The following MROH9 variants were observed in gnomAD, a reference collection of about 807,000 sequenced individuals.
MROH9 encodes maestro heat-like repeat-containing protein family member 9.
In MROH9, 92 loss-of-function variants were observed where a neutral mutation model predicts 98.2. The observed-to-expected ratio is 0.94, with a 90% CI of 0.79 to 1.11. The LOEUF is 1.11. Ranked by LOEUF, MROH9 falls within the 50% of genes most tolerant of loss-of-function variation. The pLI is 0.00. For synonymous variants in MROH9, 397 were observed against 368.9 expected (o/e 1.08, Z -0.87); for missense variants, 1,057 against 1,014.8 (o/e 1.04, Z -0.57).
intron 20 of MROH9, 35 bp downstream of exon 20, chr1:171,025,455 C>A: frequency 7.5e-7 from 1 of 1,335,300 alleles, no homozygotes; most frequent in Admixed American, 2.0e-5. Flanking sequence ...CCTAACTTGT[C>A]TTAAATGGTA....
chr1:170,990,019 C>T lies in MROH9; in HGVS notation c.1028+16C>T. The T allele has an allele frequency of 6.3e-7, 1 of 1,597,872 alleles. No individual in the cohort carries two copies. The highest frequency in any genetic ancestry group is 1.1e-5 in the South Asian group (1 of 89,468). On this transcript the variant is annotated intron_variant, in intron 11 of 21. Transcript: ENST00000367759. Reference sequence around the variant, plus strand: ...CAGCAGACGAGTAAGGCCCCCCAACCCTCTGTCCCTTCCACAAGGGCTTGT... The same window carrying T: ...CAGCAGACGAGTAAGGCCCCCCAACTCTCTGTCCCTTCCACAAGGGCTTGT...
At chr1:171,041,895 T>C (rs1463133572) in intron 20 of MROH9, among the ~76,000 whole-genome samples, 1 of 151,998 alleles carries the variant, frequency 6.6e-6, no homozygotes, top group Non-Finnish European at 1.5e-5. Context: ...TATTTATGGG[T>C]ACATGGGATA....
At chr1:170,950,941 A>G (rs981402448) in intron 3 of MROH9, among the ~76,000 whole-genome samples, 4 of 151,850 alleles carry the variant, frequency 2.6e-5, no homozygotes, top group Non-Finnish European at 4.4e-5. Context: ...CTTTATTTTT[A>G]TATCATCGAA....
intron 20 of MROH9, among the ~76,000 whole-genome samples, chr1:171,058,596 A>T (rs1162041716): frequency 6.6e-6 from 1 of 152,222 alleles, no homozygotes; most frequent in Non-Finnish European, 1.5e-5. Flanking sequence ...CTGACTTTAT[A>T]CTACAAGGCT....
intron 6 of MROH9, among the ~76,000 whole-genome samples, chr1:170,962,556 C>T (rs1266614183): frequency 6.6e-6 from 1 of 152,016 alleles, no homozygotes; most frequent in Non-Finnish European, 1.5e-5. Context: ...CATCAGAGGC[C>T]AACTGTCCAG....
chr1:171,021,817 C>A (rs1254076822), intron 17 of MROH9, among the ~76,000 whole-genome samples: 1 of 151,834 alleles, frequency 6.6e-6, no homozygotes, highest in African/African-American at 2.4e-5. Flanking sequence ...GAATAGGCAA[C>A]CTACAGAATG....
At chr1:171,052,678 G>C (rs1352282494) in intron 20 of MROH9, among the ~76,000 whole-genome samples, 1 of 152,156 alleles carries the variant, frequency 6.6e-6, no homozygotes, top group Admixed American at 6.5e-5. Context: ...CCACGGAATG[G>C]CAGGGGCAGC....
At chr1:170,986,823 T>C (rs1651156302) in intron 10 of MROH9, 113 bp downstream of exon 10, 8 of 1,196,800 alleles carry the variant, frequency 6.7e-6, no homozygotes, top group African/African-American at 1.5e-5. Context: ...TTGTTCATTA[T>C]ATGACTTCAA....
Position 170,998,187 on chromosome 1 carries a change from G to A in MROH9, c.1509G>A (p.Pro503=), listed in dbSNP as rs373612206. ...GTGAATATAACTTTCCACAGTTTCC[G>A]GAGACCCTGAGTTATCTCTATAAGC... is the stretch of plus-strand genomic sequence containing the variant. ...TLSEYNFPQF[P]ETLSYLYKLS... Residue 503 remains proline (P), a synonymous_variant, in exon 15 of 22, where the codon CCG becomes CCA. Coordinates refer to ENST00000367759, the MANE Select transcript of MROH9 (RefSeq NM_001163629.2). The A allele has an allele frequency of 1.2e-4, 193 of 1,610,020 alleles. No homozygotes were observed. Among genetic ancestry groups the A allele is most frequent in the Non-Finnish European group, 1.4e-4 (170 of 1,178,624 alleles).
chr1:170,955,424 A>T lies in MROH9; in HGVS notation c.73-3037A>T, dbSNP rs192936263. ...TTTTCCATAGCAGCTGTACTACTTT[A>T]CATTTCCACCAGCAGTGTAGAAATG... On this transcript the variant is annotated intron_variant, in intron 3 of 21. Coordinates refer to ENST00000367759, the MANE Select transcript of MROH9 (RefSeq NM_001163629.2). 3.0e-3 allele frequency among the ~76,000 whole-genome samples: 461 copies of T among 152,236 alleles called. 6 individuals carry two copies. Among genetic ancestry groups the T allele is most frequent in the African/African-American group, 0.011 (440 of 41,562 alleles).
chr1:171,017,296 A>G (rs565878982), intron 17 of MROH9, among the ~76,000 whole-genome samples: 6 of 152,322 alleles, frequency 3.9e-5, no homozygotes, highest in African/African-American at 1.4e-4. Flanking sequence ...ACCCATGGAG[A>G]GGAAGGCAGA....
chr1:171,064,401 G>A lies in MROH9; in HGVS notation c.*61G>A. The A allele has an allele frequency of 2.1e-6, 3 of 1,439,962 alleles. No homozygotes were observed. The highest frequency in any genetic ancestry group is 2.7e-6 in the Non-Finnish European group (3 of 1,091,906). The allele number at this position is 1,439,962 out of a possible 1,614,324, so 89.2% of individuals were successfully genotyped here. A position where few individuals can be genotyped will look rare whatever the true frequency, so the allele number is the denominator to read the frequency against. On this transcript the variant is annotated 3_prime_UTR_variant, in exon 22 of 22. Coordinates refer to ENST00000367759, the MANE Select transcript of MROH9 (RefSeq NM_001163629.2). ...ATGGGAAGTCCAACAATGTCTTGGA[G>A]CTGACCTTAGAAGAAGAATGATTTT...
intron 20 of MROH9, among the ~76,000 whole-genome samples, chr1:171,055,563 C>T (rs1653810209): frequency 7.0e-6 from 1 of 143,640 alleles, no homozygotes; most frequent in Admixed American, 7.3e-5. Context: ...GTGGAGGTTG[C>T]AGGAGCCAAG....
rs374254902 is a variant in MROH9 at position 170,945,127 on chromosome 1, T to C, written c.-37-393T>C. ...ATGGCAAGAAACCGCAGACGGCTTC[T>C]AGATGCTGAGTATTGTCCTCAGCCG... On this transcript the variant is annotated intron_variant, in intron 1 of 21. Transcript: ENST00000367759. Among the ~76,000 whole-genome samples the C allele has an allele frequency of 9.9e-5, 15 of 152,028 alleles. No individual in the cohort carries two copies. In the East Asian group the frequency reaches 2.5e-3, roughly 25 times the overall value.
Position 171,001,083 on chromosome 1 carries a change from A to G in MROH9, c.1596+2809A>G, listed in dbSNP as rs573672228. ...TTGTATCTCAATGGTGTCAGTTGTA[A>G]TATCTCCTGTTTCATTTCTTAGTGA... On this transcript the variant is annotated intron_variant, in intron 15 of 21. Transcript: ENST00000367759. Among the ~76,000 whole-genome samples, 5 of 152,106 alleles carry G rather than the reference A, an allele frequency of 3.3e-5. No individual in the cohort carries two copies. The East Asian group carries it at 9.7e-4, about 29-fold the overall frequency.
intron 2 of MROH9, among the ~76,000 whole-genome samples, 170 bp from the exon 3 acceptor site, chr1:170,947,357 T>C (rs1203691730): frequency 2.6e-5 from 4 of 151,842 alleles, no homozygotes; most frequent in African/African-American, 4.9e-5. Context: ...TTAAGTGTTG[T>C]CCAGTAATAC....
At chr1:170,966,072 G>A (rs1233340175) in intron 7 of MROH9, among the ~76,000 whole-genome samples, 1 of 151,992 alleles carries the variant, frequency 6.6e-6, no homozygotes, top group Non-Finnish European at 1.5e-5. Context: ...AAGTACATGA[G>A]TGTGTACCTG....
chr1:171,011,847 C>T (rs1029906466), intron 15 of MROH9, among the ~76,000 whole-genome samples: 1 of 151,600 alleles, frequency 6.6e-6, no homozygotes, highest in East Asian at 1.9e-4. Flanking sequence ...GGATTTTTTT[C>T]CTGTGCAAAA....
chr1:170,944,361 AAATAATAAAATATTTAAAGGT>A (rs1649238249), intron 1 of MROH9, among the ~76,000 whole-genome samples: 2 of 151,962 alleles, frequency 1.3e-5, no homozygotes, highest in Admixed American at 6.6e-5. Context: ...GAAAAACATC[AAATAATAAAATATTTAAAGGT>A]AACAACAACA....
Sources: gnomAD v4.1 joint callset for allele counts (sites outside exome capture counted in the v4.1 genomes callset) on GRCh38, gnomAD v4.1.1 for gene constraint, MANE v1.5 for transcripts, NCBI Gene and HGNC (gene_info 2026-07-23, HGNC 2026-07-21) for gene names.